Variants in CDC123 observed in about 807,000 individuals in gnomAD.
CDC123 encodes the protein translation initiation factor eIF2 assembly protein.
Under a neutral mutation model 54.4 loss-of-function variants are expected in CDC123, and 37 were observed. The observed-to-expected ratio is 0.68, with a 90% CI of 0.52 to 0.89. CDC123 has a LOEUF of 0.89. Ranked by LOEUF, CDC123 falls within the 40% of genes least tolerant of loss-of-function variation. The pLI, the probability that CDC123 is intolerant of heterozygous loss-of-function variation, is 0.00. For synonymous variants in CDC123, 144 were observed against 136.8 expected, an observed-to-expected ratio of 1.05 and a Z score of -0.37; for missense variants, 361 against 412.1, an observed-to-expected ratio of 0.88 and a Z score of 1.07.
chr10:12,196,258 C>G lies in CDC123; in HGVS notation c.13C>G (p.His5Asp). 1 of 1,613,930 alleles carries G rather than the reference C, an allele frequency of 6.2e-7. No individual in the cohort carries two copies. Among genetic ancestry groups the G allele is most frequent in the Non-Finnish European group, 8.5e-7 (1 of 1,179,892 alleles). The change falls in exon 1 of 13, where the codon CAT becomes GAT. Residue 5 changes from histidine (H) to aspartate (D), a missense_variant. Transcript: ENST00000281141. ...CGGCAGCTGGAGGATGAAGAAGGAG[C>G]ATGTGCTTCACTGCCAGTTCTCCGC... Reference protein sequence around the residue: MKKEHVLHCQFSAWY... With the variant: MKKEDVLHCQFSAWY...
intron 4 of CDC123, among the ~76,000 whole-genome samples, chr10:12,212,845 A>G (rs1241701755): frequency 6.6e-6 from 1 of 152,236 alleles, no homozygotes; most frequent in Non-Finnish European, 1.5e-5. Context: ...CATCCCCATT[A>G]TGTATATGCA....
At chr10:12,237,787 C>G (rs974761613) in intron 9 of CDC123, among the ~76,000 whole-genome samples, 10 of 152,136 alleles carry the variant, frequency 6.6e-5, no homozygotes, top group Non-Finnish European at 1.2e-4. Flanking sequence ...AGTCAGTTCC[C>G]TGTCTTGTTT....
At chr10:12,220,702 G>A (rs1835724332) in intron 6 of CDC123, among the ~76,000 whole-genome samples, 1 of 152,364 alleles carries the variant, frequency 6.6e-6, no homozygotes. Flanking sequence ...TAAATGCTGG[G>A]TGTGGTGGCT....
intron 6 of CDC123, among the ~76,000 whole-genome samples, chr10:12,224,160 A>T (rs1320270252): frequency 1.3e-5 from 2 of 151,626 alleles, no homozygotes; most frequent in Non-Finnish European, 2.9e-5. Flanking sequence ...AATAGTCTCC[A>T]GTTCCATCCA....
Position 12,196,218 on chromosome 10 carries a change from GA to G in CDC123, c.-25del, listed in dbSNP as rs1564430111. ...TCCGGGAGGGTGCAGGCAGGAGAGG[GA>G]AAGGCAGCAGCGGCGGCAGCTGGAG... On this transcript the variant is annotated 5_prime_UTR_variant, in exon 1 of 13. Transcript: ENST00000281141. 6.2e-7 allele frequency: 1 copy of G among 1,613,850 alleles called. No homozygotes were observed. The highest frequency in any genetic ancestry group is 2.2e-5 in the East Asian group (1 of 44,870).
intron 2 of CDC123, among the ~76,000 whole-genome samples, chr10:12,206,773 A>C (rs1020805863): frequency 6.6e-6 from 1 of 152,152 alleles, no homozygotes; most frequent in African/African-American, 2.4e-5. Flanking sequence ...CCTGGCCAAC[A>C]CGGTGAAACC....
chr10:12,217,407 T>G lies in CDC123; in HGVS notation c.380T>G (p.Leu127Arg), dbSNP rs769023452. Residue 127 changes from leucine to arginine, a missense_variant, in exon 6 of 13, where the codon CTC becomes CGC. Physicochemically the swap from Leu to Arg is moderately radical, Grantham distance 102. Transcript: ENST00000281141. ...AMNSSLKCKT[L>R]SDIFLLFKSS... ...AATAGTTCTCTGAAATGTAAAACCC[T>G]CAGCGACATCTTTCTGCTTTTCAAG... The G allele has an allele frequency of 1.2e-6, 2 of 1,614,122 alleles. No homozygotes were observed. Among genetic ancestry groups the G allele is most frequent in the Admixed American group, 3.3e-5 (2 of 60,026 alleles).
At chr10:12,235,699 T>C (rs1420714338) in intron 8 of CDC123, among the ~76,000 whole-genome samples, 1 of 152,250 alleles carries the variant, frequency 6.6e-6, no homozygotes. Context: ...ATCTTCAACC[T>C]AGAAAAGTGT....
chr10:12,198,926 A>G (rs1835400789), intron 2 of CDC123, 150 bp downstream of exon 2: 3 of 561,428 alleles, frequency 5.3e-6, no homozygotes, highest in South Asian at 2.3e-5. Context: ...TTCCTTCTCA[A>G]TGTTCACTTA....
intron 2 of CDC123, among the ~76,000 whole-genome samples, chr10:12,205,621 G>A (rs768242217): frequency 2.0e-5 from 3 of 152,086 alleles, no homozygotes; most frequent in Non-Finnish European, 4.4e-5. Context: ...GCTGACAGTG[G>A]CAGAACTGAG....
At chr10:12,204,515 C>G (rs1835487764) in intron 2 of CDC123, among the ~76,000 whole-genome samples, 1 of 151,846 alleles carries the variant, frequency 6.6e-6, no homozygotes, top group Non-Finnish European at 1.5e-5. Context: ...ACATAGTGTA[C>G]ATATTTATGG....
chr10:12,211,700 G>A (rs1835604593), intron 4 of CDC123, among the ~76,000 whole-genome samples: 1 of 152,242 alleles, frequency 6.6e-6, no homozygotes, highest in Non-Finnish European at 1.5e-5. Context: ...TGACAGTGCT[G>A]TCAGATCAGA....
chr10:12,236,443 A>G (rs560989314), intron 8 of CDC123, among the ~76,000 whole-genome samples: 8 of 152,104 alleles, frequency 5.3e-5, no homozygotes, highest in Non-Finnish European at 1.0e-4. Context: ...TACAAAAAAT[A>G]AAACGATGAG....
intron 10 of CDC123, among the ~76,000 whole-genome samples, chr10:12,242,756 A>G (rs137991024): frequency 1.3e-5 from 2 of 152,054 alleles, no homozygotes; most frequent in Non-Finnish European, 2.9e-5. Flanking sequence ...AGCCTGGCCA[A>G]CATGGTGAAA....
At chr10:12,206,832 G>T (rs368756309) in intron 2 of CDC123, among the ~76,000 whole-genome samples, 2 of 151,834 alleles carry the variant, frequency 1.3e-5, no homozygotes, top group Non-Finnish European at 2.9e-5. Context: ...GGTGGCGGGC[G>T]CCTGGAGTCC....
At chr10:12,215,121 A>G (rs530372443) in intron 4 of CDC123, among the ~76,000 whole-genome samples, 1 of 152,344 alleles carries the variant, frequency 6.6e-6, no homozygotes, top group Non-Finnish European at 1.5e-5. Flanking sequence ...CGTTTTGGTC[A>G]CTAGCTTATA....
At chr10:12,213,039 C>G (rs1331994510) in intron 4 of CDC123, among the ~76,000 whole-genome samples, 1 of 152,112 alleles carries the variant, frequency 6.6e-6, no homozygotes, top group Non-Finnish European at 1.5e-5. Flanking sequence ...ACTAAAGGCA[C>G]TAACTAATAC....
chr10:12,204,697 G>A (rs1453431742), intron 2 of CDC123, among the ~76,000 whole-genome samples: 1 of 152,120 alleles, frequency 6.6e-6, no homozygotes, highest in Non-Finnish European at 1.5e-5. Flanking sequence ...GTTCTGTCAA[G>A]TAGTAGGTCT....
chr10:12,218,278 ACT>A (rs1213387367), intron 6 of CDC123, among the ~76,000 whole-genome samples: 7 of 121,830 alleles, frequency 5.7e-5, no homozygotes, highest in East Asian at 2.3e-4. Context: ...GCAGGGTCTC[ACT>A]CTGTCTCCCA....
Sources: gnomAD v4.1 joint callset for allele counts (sites outside exome capture counted in the v4.1 genomes callset) on GRCh38, gnomAD v4.1.1 for gene constraint, MANE v1.5 for transcripts, NCBI Gene and HGNC (gene_info 2026-07-23, HGNC 2026-07-21) for gene names.